The following ARRB1 variants were observed in gnomAD, a reference collection of about 807,000 sequenced individuals.
ARRB1 encodes arrestin beta 1, also known as beta-arrestin-1.
In ARRB1, 21 loss-of-function variants were observed where a neutral mutation model predicts 56.8. The ratio of observed to expected loss-of-function variants is 0.37; its 90% CI spans 0.26 to 0.53. The LOEUF (loss-of-function observed/expected upper bound fraction) is 0.53, where lower values mean the gene tolerates loss of function less well. Among genes scored for constraint, ARRB1 ranks in the 20% least tolerant of loss-of-function variants. The pLI is 0.88. For synonymous variants in ARRB1, 210 were observed against 218.6 expected (o/e 0.96, Z 0.35); for missense variants, 424 against 553.7 (o/e 0.77, Z 2.35).
chr11:75,295,616 G>A (rs915380222), intron 1 of ARRB1, among the ~76,000 whole-genome samples: 6 of 152,128 alleles, frequency 3.9e-5, no homozygotes, highest in African/African-American at 7.2e-5. Context: ...ATCTGCAACC[G>A]TCATTACCCT....
At chr11:75,299,736 T>A (rs1054506957) in intron 1 of ARRB1, among the ~76,000 whole-genome samples, 2 of 152,222 alleles carry the variant, frequency 1.3e-5, no homozygotes, top group African/African-American at 2.4e-5. Context: ...ACCCTCTGCT[T>A]CACTTTTATA....
intron 1 of ARRB1, among the ~76,000 whole-genome samples, chr11:75,297,380 T>C (rs997112252): frequency 6.6e-6 from 1 of 152,008 alleles, no homozygotes; most frequent in African/African-American, 2.4e-5. Flanking sequence ...AACAGACATA[T>C]AGATCAATGG....
chr11:75,285,499 G>C (rs1227185865), intron 3 of ARRB1, among the ~76,000 whole-genome samples: 1 of 152,230 alleles, frequency 6.6e-6, no homozygotes, highest in East Asian at 1.9e-4. Context: ...TGGTGGAAGA[G>C]GAGGGCCAGG....
chr11:75,298,599 G>A (rs1353516561), intron 1 of ARRB1, among the ~76,000 whole-genome samples: 1 of 152,126 alleles, frequency 6.6e-6, no homozygotes, highest in Non-Finnish European at 1.5e-5. Context: ...ATGGAAAGTG[G>A]GGCCGTCACT....
rs917581017 is a variant in ARRB1 at position 75,262,182 on chromosome 11, G to A, written c.*3981C>T. The A allele has an allele frequency of 3.9e-5, 6 of 152,362 alleles. No individual in the cohort carries two copies. The highest frequency in any genetic ancestry group is 2.1e-4 in the South Asian group (1 of 4,824). 9.4% of individuals were successfully genotyped at this position (152,362 alleles called of 1,614,324 possible). Reference sequence around the variant, plus strand: ...TTTCTCCTTGCCCTTAGATTTCTGCGGATGGGTGGTTTCAGCTCCCTGAGC... The same window carrying A: ...TTTCTCCTTGCCCTTAGATTTCTGCAGATGGGTGGTTTCAGCTCCCTGAGC... On this transcript the variant is annotated 3_prime_UTR_variant, in exon 16 of 16. Coordinates refer to ENST00000420843, the MANE Select transcript of ARRB1 (RefSeq NM_004041.5).
chr11:75,269,249 C>T (rs952012835), intron 13 of ARRB1: 7 of 640,362 alleles, frequency 1.1e-5, no homozygotes, highest in East Asian at 9.8e-5. Flanking sequence ...AAGGATTGCC[C>T]GGGGCAGCAT....
chr11:75,281,972 T>A lies in ARRB1; in HGVS notation c.404A>T (p.Asp135Val), dbSNP rs1177425294. 1 of 1,614,116 alleles carries A rather than the reference T, an allele frequency of 6.2e-7. No homozygotes were observed. The highest frequency in any genetic ancestry group is 1.7e-5 in the Admixed American group (1 of 60,010). The change falls in exon 6 of 16, where the codon GAC (aspartate) becomes GTC (valine). Residue 135 changes from aspartate (D) to valine (V), a missense_variant. Coordinates refer to ENST00000420843, the MANE Select transcript of ARRB1 (RefSeq NM_004041.5). Reference protein sequence around the residue: ...CSVTLQPGPEDTGKACGVDYE... With the variant: ...CSVTLQPGPEVTGKACGVDYE... ...CTTGGGGTGACCTACCTTCCCCGTG[T>A]CTTCGGGCCCCGGCTGCAGTGTCAC...
intron 1 of ARRB1, among the ~76,000 whole-genome samples, chr11:75,311,599 G>A (rs1472904361): frequency 6.6e-6 from 1 of 152,146 alleles, no homozygotes. Context: ...TCACAATCTC[G>A]TTTCACCCTC....
intron 1 of ARRB1, among the ~76,000 whole-genome samples, chr11:75,295,250 AC>A (rs1946709927): frequency 7.3e-6 from 1 of 137,578 alleles, no homozygotes; most frequent in East Asian, 2.0e-4. Flanking sequence ...AAAAAAACAC[AC>A]ACACCCAACA....
intron 4 of ARRB1, among the ~76,000 whole-genome samples, chr11:75,283,822 A>G (rs979307132): frequency 1.3e-5 from 2 of 151,664 alleles, no homozygotes; most frequent in East Asian, 1.9e-4. Context: ...GGGGTAGGGG[A>G]CCTGGGGAAG....
chr11:75,269,169 A>G (rs949463559), intron 13 of ARRB1: 3 of 738,196 alleles, frequency 4.1e-6, no homozygotes, highest in Non-Finnish European at 7.4e-6. Context: ...CCAAAAAGAA[A>G]TGGAAGCCTC....
chr11:75,284,380 C>A, intron 3 of ARRB1, 101 bp from the exon 4 acceptor site: 1 of 1,225,924 alleles, frequency 8.2e-7, no homozygotes, highest in Non-Finnish European at 1.1e-6. Context: ...ATCTGTTCAT[C>A]TAAAATCATC....
chr11:75,270,967 G>A (rs1946064209), intron 13 of ARRB1: 1 of 151,598 alleles, frequency 6.6e-6, no homozygotes, highest in Admixed American at 6.6e-5. Context: ...TGGAGCTGGT[G>A]GAAGACTGGG....
At position 75,304,706 on chromosome 11, in the gene ARRB1, G is replaced by A. The variant is rs59949264; in HGVS notation, c.21-14667C>T. On this transcript the variant is annotated intron_variant, in intron 1 of 15. Transcript: ENST00000420843. ...AGGCCAAGGATGCTGCCTGCATAAT[G>A]CACATGTCAGTCCCCCCAAACCCCC... 1.4e-3 allele frequency among the ~76,000 whole-genome samples: 215 copies of A among 151,956 alleles called. 1 individual carries two copies. The highest frequency in any genetic ancestry group is 4.9e-3 in the African/African-American group (202 of 41,478).
intron 1 of ARRB1, among the ~76,000 whole-genome samples, chr11:75,297,092 C>T (rs1946767483): frequency 6.6e-6 from 1 of 152,148 alleles, no homozygotes; most frequent in Admixed American, 6.5e-5. Context: ...GAACTTTACA[C>T]TCAATAAATA....
intron 3 of ARRB1, among the ~76,000 whole-genome samples, chr11:75,286,338 C>T (rs1182488140): frequency 2.1e-5 from 3 of 142,924 alleles, no homozygotes; most frequent in East Asian, 2.2e-4. Flanking sequence ...GGCATGATCT[C>T]GCTAACTGCA....
chr11:75,273,061 T>A (rs1946106650), intron 11 of ARRB1, 83 bp from the exon 12 acceptor site: 2 of 1,172,028 alleles, frequency 1.7e-6, no homozygotes, highest in Admixed American at 1.9e-5. Flanking sequence ...TGGGGGGCAG[T>A]GGCCGTCCAT....
chr11:75,281,000 T>A (rs375968732), intron 7 of ARRB1, 75 bp downstream of exon 7: 69 of 1,489,206 alleles, frequency 4.6e-5, no homozygotes, highest in East Asian at 2.4e-4. Context: ...TTGTTACTTA[T>A]CTCCTCTTGG....
chr11:75,343,948 TG>T (rs1947729946), intron 1 of ARRB1, among the ~76,000 whole-genome samples: 1 of 152,090 alleles, frequency 6.6e-6, no homozygotes, highest in African/African-American at 2.4e-5. Context: ...CCGGAGTAGC[TG>T]GGACTACAGG....
Sources: gnomAD v4.1 joint callset for allele counts (sites outside exome capture counted in the v4.1 genomes callset) on GRCh38, gnomAD v4.1.1 for gene constraint, MANE v1.5 for transcripts, NCBI Gene and HGNC (gene_info 2026-07-23, HGNC 2026-07-21) for gene names.